MYO1D: variants seen among roughly 807,000 people sequenced by gnomAD.
The protein encoded by MYO1D is unconventional myosin-Id.
In MYO1D, 83 loss-of-function variants were observed where a neutral mutation model predicts 122.0. That is an observed-to-expected ratio of 0.68 (90% confidence interval 0.57 to 0.82). MYO1D has a LOEUF of 0.82. Ranked by LOEUF, MYO1D falls within the 40% of genes least tolerant of loss-of-function variation. The pLI, the probability that MYO1D is intolerant of heterozygous loss-of-function variation, is 0.00. For synonymous variants in MYO1D, 464 were observed against 446.9 expected (o/e 1.04, Z -0.48); for missense variants, 1,157 against 1,269.5 (o/e 0.91, Z 1.35).
rs1056682501 is a variant in MYO1D, at chr17:32,713,913, T to C, written c.1914-1718A>G. On this transcript the variant is annotated intron_variant, in intron 15 of 21. Transcript: ENST00000318217. ...TGCTGGGATTATAGGCAAGAGCCAC[T>C]GCACTCAGTGAATCCATTAATTTTT... Among the ~76,000 whole-genome samples the C allele has an allele frequency of 5.3e-5, 8 of 152,168 alleles. No individual in the cohort carries two copies. In the East Asian group the frequency reaches 1.5e-3, roughly 29 times the overall value.
chr17:32,866,476 C>A (rs186267579), intron 1 of MYO1D, among the ~76,000 whole-genome samples: 1 of 152,134 alleles, frequency 6.6e-6, no homozygotes, highest in Admixed American at 6.6e-5. Flanking sequence ...CCAGGTCTGC[C>A]GTATCCCTGA....
At chr17:32,776,493 C>G (rs1290598814) in intron 3 of MYO1D, among the ~76,000 whole-genome samples, 1 of 152,158 alleles carries the variant, frequency 6.6e-6, no homozygotes, top group Non-Finnish European at 1.5e-5. Context: ...TTTCAGGGAA[C>G]TTTTACATCT....
chr17:32,871,937 A>C (rs1218660360), intron 1 of MYO1D, among the ~76,000 whole-genome samples: 1 of 152,234 alleles, frequency 6.6e-6, no homozygotes, highest in East Asian at 1.9e-4. Context: ...AAGTGGCTAC[A>C]GAGAAAGCAG....
chr17:32,624,221 T>A (rs936767448), intron 20 of MYO1D, among the ~76,000 whole-genome samples: 2 of 150,052 alleles, frequency 1.3e-5, no homozygotes, highest in Non-Finnish European at 3.0e-5. Context: ...TTTAAGTTTT[T>A]TTTTTTTTTT....
chr17:32,604,409 A>T (rs1050464941), intron 21 of MYO1D, among the ~76,000 whole-genome samples: 2 of 152,138 alleles, frequency 1.3e-5, no homozygotes, highest in Non-Finnish European at 2.9e-5. Flanking sequence ...ATACTCCATG[A>T]CCCCTTATGG....
At chr17:32,772,709 A>C (rs903997400) in intron 5 of MYO1D, 80 bp downstream of exon 5, 2 of 1,193,132 alleles carry the variant, frequency 1.7e-6, no homozygotes. Context: ...TGCATAGGAC[A>C]GGGGAAAGCC....
chr17:32,645,235 T>C (rs2088270796), intron 19 of MYO1D, among the ~76,000 whole-genome samples: 2 of 152,220 alleles, frequency 1.3e-5, no homozygotes, highest in South Asian at 2.1e-4. Context: ...ATGTTGAATA[T>C]TGGCCCCCAC....
chr17:32,717,446 G>C (rs1430076264), intron 15 of MYO1D, among the ~76,000 whole-genome samples: 1 of 152,108 alleles, frequency 6.6e-6, no homozygotes, highest in Non-Finnish European at 1.5e-5. Flanking sequence ...AGATTTCTTT[G>C]CTCAATGTTG....
intron 19 of MYO1D, among the ~76,000 whole-genome samples, chr17:32,643,946 G>A (rs2088245831): frequency 6.6e-6 from 1 of 151,950 alleles, no homozygotes; most frequent in Non-Finnish European, 1.5e-5. Context: ...GTTATTTCTT[G>A]CCTTCTGCTA....
chr17:32,598,386 AAAAG>A (rs548884828), intron 21 of MYO1D, among the ~76,000 whole-genome samples: 37 of 152,356 alleles, frequency 2.4e-4, no homozygotes, highest in African/African-American at 8.2e-4. Flanking sequence ...AAAAGAAAAA[AAAAG>A]AAACCTGTTT....
chr17:32,772,335 A>T (rs1265925417), intron 5 of MYO1D, among the ~76,000 whole-genome samples: 2 of 152,200 alleles, frequency 1.3e-5, no homozygotes, highest in East Asian at 1.9e-4. Context: ...ATAAATCCAG[A>T]TTGTTTTTTT....
chr17:32,654,743 T>G, intron 17 of MYO1D, 122 bp from the exon 18 acceptor site: 1 of 910,226 alleles, frequency 1.1e-6, no homozygotes, highest in Non-Finnish European at 1.5e-6. Flanking sequence ...CATGGCATGA[T>G]CTCAGCTCAC....
intron 21 of MYO1D, among the ~76,000 whole-genome samples, chr17:32,515,713 C>G (rs145810178): frequency 1.3e-3 from 202 of 152,294 alleles, no homozygotes; most frequent in African/African-American, 4.7e-3. Flanking sequence ...CAACTATAAT[C>G]CACAGTGAAG....
chr17:32,774,216 T>G (rs1390022940), intron 4 of MYO1D, among the ~76,000 whole-genome samples: 1 of 152,214 alleles, frequency 6.6e-6, no homozygotes, highest in Non-Finnish European at 1.5e-5. Flanking sequence ...TCCTTTTTCT[T>G]TATCCGACCT....
chr17:32,840,533 T>A (rs1027595314), intron 1 of MYO1D, among the ~76,000 whole-genome samples: 2 of 152,232 alleles, frequency 1.3e-5, no homozygotes, highest in African/African-American at 4.8e-5. Context: ...TAGGAATCAC[T>A]GCTTGTAAAG....
chr17:32,677,134 A>T (rs2088823203), intron 16 of MYO1D, among the ~76,000 whole-genome samples: 1 of 152,154 alleles, frequency 6.6e-6, no homozygotes, highest in Non-Finnish European at 1.5e-5. Context: ...TTTACGCAGG[A>T]ATATCTAGCA....
At chr17:32,728,383 C>T (rs1288352801) in intron 14 of MYO1D, among the ~76,000 whole-genome samples, 1 of 151,906 alleles carries the variant, frequency 6.6e-6, no homozygotes, top group Non-Finnish European at 1.5e-5. Context: ...ATTTTTTGTA[C>T]TTTTAGTAGA....
chr17:32,825,106 C>T (rs2090709249), intron 1 of MYO1D, among the ~76,000 whole-genome samples: 1 of 152,098 alleles, frequency 6.6e-6, no homozygotes. Context: ...TCTTTGTTAT[C>T]TCAACTGTGG....
chr17:32,560,575 A>ATATG (rs2087114680), intron 21 of MYO1D, among the ~76,000 whole-genome samples: 3 of 114,304 alleles, frequency 2.6e-5, no homozygotes, highest in African/African-American at 6.7e-5. Flanking sequence ...ATATATATAT[A>ATATG]TAACTTTTAT....
Sources: allele counts gnomAD v4.1 joint callset (sites outside exome capture counted in the v4.1 genomes callset), GRCh38; gene constraint gnomAD v4.1.1; transcripts MANE v1.5; gene names NCBI Gene and HGNC (gene_info 2026-07-23, HGNC 2026-07-21).